The following DAPK2 variants were observed in gnomAD, a reference collection of about 807,000 sequenced individuals.
The protein encoded by DAPK2 is death-associated protein kinase 2.
In DAPK2, 35 loss-of-function variants were observed where a neutral mutation model predicts 44.1. The ratio of observed to expected loss-of-function variants is 0.79; its 90% CI spans 0.61 to 1.05. The LOEUF is 1.05. Among genes scored for constraint, DAPK2 ranks in the 50% least tolerant of loss-of-function variants. DAPK2 has a pLI of 0.00. For missense variants in DAPK2, 453 were observed against 483.2 expected, an observed-to-expected ratio of 0.94 and a Z score of 0.59; for synonymous variants, 174 against 182.6, an observed-to-expected ratio of 0.95 and a Z score of 0.38.
chr15:63,933,688 C>T (rs1186469220), intron 4 of DAPK2, among the ~76,000 whole-genome samples: 1 of 151,228 alleles, frequency 6.6e-6, no homozygotes, highest in Non-Finnish European at 1.5e-5. Flanking sequence ...TGACTCAACC[C>T]CCTAGGGTTA....
At position 63,939,476 on chromosome 15, in the gene DAPK2, G is replaced by C; in HGVS notation, c.454-115C>G. On this transcript the variant is annotated intron_variant, in intron 3 of 10. Transcript: ENST00000261891. This position sits in a 1 kb window ranked among gnomAD's most constrained non-coding sequence, Gnocchi z 4.3. ...TTTGGGGTTTGGGGTGGGACTTGGT[G>C]TTCTTTTTAGGAGACTGAAACAGCA... The C allele has an allele frequency of 2.1e-6, 2 of 970,966 alleles. No homozygotes were observed. Among genetic ancestry groups the C allele is most frequent in the East Asian group, 2.6e-5 (1 of 38,126 alleles). 60.1% of individuals were successfully genotyped at this position (970,966 alleles called of 1,614,324 possible).
intron 2 of DAPK2, among the ~76,000 whole-genome samples, chr15:63,974,310 C>A (rs548310533): frequency 4.8e-4 from 73 of 152,318 alleles, no homozygotes; most frequent in Non-Finnish European, 1.0e-3. Flanking sequence ...GACACAGTCC[C>A]AGAAGGTCCT....
At chr15:64,007,538 G>T (rs1315754526) in intron 1 of DAPK2, among the ~76,000 whole-genome samples, 1 of 152,142 alleles carries the variant, frequency 6.6e-6, no homozygotes, top group Non-Finnish European at 1.5e-5. Flanking sequence ...GCAGGCACAG[G>T]TCCCCTCCTG....
chr15:64,006,486 G>A (rs1030133256), intron 1 of DAPK2, among the ~76,000 whole-genome samples: 3 of 152,056 alleles, frequency 2.0e-5, no homozygotes, highest in Non-Finnish European at 4.4e-5. Flanking sequence ...TATATTAGAC[G>A]CTCAAGAGAA....
intron 1 of DAPK2, among the ~76,000 whole-genome samples, chr15:64,011,575 A>G (rs1354167318): frequency 4.6e-5 from 7 of 151,836 alleles, no homozygotes; most frequent in Non-Finnish European, 1.0e-4. Flanking sequence ...AGCCTTATAC[A>G]CTCCAGGTTG....
chr15:63,978,821 T>C (rs754652154), intron 2 of DAPK2, among the ~76,000 whole-genome samples: 5 of 152,232 alleles, frequency 3.3e-5, no homozygotes, highest in Non-Finnish European at 5.9e-5. Flanking sequence ...CTTCTCCTAG[T>C]GTTCCCAGGA....
At chr15:63,941,635 T>A (rs567909773) in intron 3 of DAPK2, among the ~76,000 whole-genome samples, 110 of 151,458 alleles carry the variant, frequency 7.3e-4, no homozygotes, top group East Asian at 2.8e-3. Flanking sequence ...TTCCTTTTTT[T>A]AAAAAAAATA....
At chr15:63,949,647 C>T (rs1173054769) in intron 3 of DAPK2, among the ~76,000 whole-genome samples, 1 of 152,172 alleles carries the variant, frequency 6.6e-6, no homozygotes, top group Non-Finnish European at 1.5e-5. Flanking sequence ...GGAGTTGGCT[C>T]CAAGATGCAT....
chr15:64,042,805 G>A (rs1385450072), upstream of DAPK2, among the ~76,000 whole-genome samples: 1 of 152,206 alleles, frequency 6.6e-6, no homozygotes, highest in Non-Finnish European at 1.5e-5. The surrounding 1 kb of genome is among the most constrained non-coding windows in gnomAD (Gnocchi z 4.7). Flanking sequence ...AGGCCCAGCT[G>A]GAAAGCCCTG....
intron 3 of DAPK2, among the ~76,000 whole-genome samples, chr15:63,965,678 T>C (rs1473787243): frequency 6.6e-6 from 1 of 152,174 alleles, no homozygotes; most frequent in African/African-American, 2.4e-5. Context: ...ACAAAGTCCT[T>C]CCCACTCTTC....
rs772176640 is a variant in DAPK2, at chr15:63,934,249, G to GTTT, written c.584-3797_584-3795dup. Among the ~76,000 whole-genome samples the GTTT allele has an allele frequency of 7.1e-3, 451 of 63,286 alleles. 102 individuals are homozygous for GTTT. The highest frequency in any genetic ancestry group is 9.9e-3 in the Non-Finnish European group (331 of 33,380). 41.5% of individuals were successfully genotyped at this position (63,286 alleles called of 152,430 possible). A position where few individuals can be genotyped will look rare whatever the true frequency, so the allele number is the denominator to read the frequency against. ...TTCTTCATGTTCTAGTTTTATCCTAGTTTTTTTTTTTTTTTTTTTTTTTTT... is the reference window on the plus strand; with the variant it reads ...TTCTTCATGTTCTAGTTTTATCCTAGTTTTTTTTTTTTTTTTTTTTTTTTTTTT... On this transcript the variant is annotated intron_variant, in intron 4 of 10. Coordinates refer to ENST00000261891, the Ensembl canonical transcript of DAPK2.
chr15:64,039,710 T>G (rs527592613), intron 1 of DAPK2, among the ~76,000 whole-genome samples: 12 of 152,282 alleles, frequency 7.9e-5, no homozygotes, highest in African/African-American at 2.9e-4. Context: ...AACTTCATGA[T>G]GGGGCTCGTG....
chr15:64,027,760 G>A (rs1490080936), intron 1 of DAPK2, among the ~76,000 whole-genome samples: 1 of 152,106 alleles, frequency 6.6e-6, no homozygotes, highest in Non-Finnish European at 1.5e-5. Flanking sequence ...AAAGAGTATT[G>A]GCAAAGCCAC....
intron 1 of DAPK2, among the ~76,000 whole-genome samples, chr15:64,001,939 A>C (rs1195263428): frequency 1.3e-5 from 2 of 152,186 alleles, no homozygotes; most frequent in Non-Finnish European, 2.9e-5. Flanking sequence ...TTGCTTTCCT[A>C]CCTTGGTAAA....
intron 1 of DAPK2, among the ~76,000 whole-genome samples, chr15:63,987,979 A>G (rs1227010185): frequency 6.6e-6 from 1 of 151,964 alleles, no homozygotes. Context: ...CTTGCAGAAG[A>G]GCATGAGGTG....
rs1210182263 is a variant in DAPK2 at position 63,917,041 on chromosome 15, G to A, written c.859-4844C>T. ...AAGGAATTATTGCTGATTTTGTCAA[G>A]TGTGATAATGGCATGGGGTTGTATT... On this transcript the variant is annotated intron_variant, in intron 8 of 10. Coordinates refer to ENST00000261891, the Ensembl canonical transcript of DAPK2. This position sits in a 1 kb window ranked among gnomAD's most constrained non-coding sequence, Gnocchi z 4.4. The A allele has an allele frequency of 6.6e-6, 1 of 152,232 alleles. No individual in the cohort carries two copies. Among genetic ancestry groups the A allele is most frequent in the African/African-American group, 2.4e-5 (1 of 41,438 alleles). 9.4% of individuals were successfully genotyped at this position (152,232 alleles called of 1,614,324 possible). A position where few individuals can be genotyped will look rare whatever the true frequency, so the allele number is the denominator to read the frequency against.
chr15:63,972,492 G>A (rs574065223), intron 2 of DAPK2, among the ~76,000 whole-genome samples: 2 of 152,304 alleles, frequency 1.3e-5, no homozygotes, highest in African/African-American at 2.4e-5. Flanking sequence ...CAGATGGAAA[G>A]GCCATTCTGA....
chr15:63,953,160 T>A (rs1439774743), intron 3 of DAPK2, among the ~76,000 whole-genome samples: 1 of 149,154 alleles, frequency 6.7e-6, no homozygotes, highest in African/African-American at 2.5e-5. Context: ...GTCCCCAAAG[T>A]CCATTGTATC....
At chr15:63,944,158 A>G (rs4776267) in intron 3 of DAPK2, among the ~76,000 whole-genome samples, 151,395 of 152,250 alleles carry the variant, frequency 0.99, 75,279 homozygotes, top group East Asian at 1. Context: ...TCTGGATAAA[A>G]GGATGAAGCC....
Sources: gnomAD v4.1 joint callset for allele counts (sites outside exome capture counted in the v4.1 genomes callset) on GRCh38, gnomAD v4.1.1 for gene constraint, Gnocchi (gnomAD v3.1) non-coding constraint, MANE v1.5 for transcripts, NCBI Gene and HGNC (gene_info 2026-07-23, HGNC 2026-07-21) for gene names.